LRRC37A2: variants seen among roughly 807,000 people sequenced by gnomAD.
The protein encoded by LRRC37A2 is leucine-rich repeat-containing protein 37A2.
A neutral mutation model predicts 68.8 loss-of-function variants in LRRC37A2; 9 were observed. That is an observed-to-expected ratio of 0.13 (90% CI 0.08 to 0.23). The LOEUF (loss-of-function observed/expected upper bound fraction) is 0.23. Ranked by LOEUF, LRRC37A2 falls within the 10% of genes least tolerant of loss-of-function variation. The pLI, the probability that LRRC37A2 is intolerant of heterozygous loss-of-function variation, is 1.00. For missense variants in LRRC37A2, 168 were observed against 950.4 expected, an observed-to-expected ratio of 0.18 and a Z score of 10.82; for synonymous variants, 63 against 367.6, an observed-to-expected ratio of 0.17 and a Z score of 9.48.
At chr17:46,821,088 C>A in the LRRC37A2 span, 1 of 152,154 alleles carries the variant, frequency 6.6e-6, no homozygotes, top group South Asian at 2.1e-4. Flanking sequence ...GAACATCATT[C>A]CCTGAGGGGT....
At chr17:46,776,772 C>T in the LRRC37A2 span, among the ~76,000 whole-genome samples, 2 of 152,224 alleles carry the variant, frequency 1.3e-5, no homozygotes, top group South Asian at 4.2e-4. Flanking sequence ...GGGCTGTCCC[C>T]GCTCCTTCCT....
the LRRC37A2 span, among the ~76,000 whole-genome samples, chr17:46,990,415 A>C: frequency 7.5e-4 from 114 of 152,346 alleles, 1 homozygote; most frequent in Non-Finnish European, 1.3e-3. Context: ...TAAGTCAAGA[A>C]TAAAGTGATC....
the LRRC37A2 span, among the ~76,000 whole-genome samples, chr17:46,802,520 G>A: frequency 4.6e-5 from 7 of 152,050 alleles, no homozygotes; most frequent in African/African-American, 1.7e-4. Flanking sequence ...CACCTGCCTC[G>A]GCCTCCCAAA....
the LRRC37A2 span, among the ~76,000 whole-genome samples, chr17:46,791,976 G>T: frequency 1.3e-5 from 2 of 152,170 alleles, no homozygotes; most frequent in African/African-American, 4.8e-5. Context: ...GGAGTTTGAG[G>T]CTGTAGTAAG....
chr17:46,940,326 C>G, the LRRC37A2 span: 1 of 1,454,490 alleles, frequency 6.9e-7, no homozygotes. Context: ...AAGGAGCAAT[C>G]TGTGACTCCT....
At chr17:46,953,378 C>T in the LRRC37A2 span, among the ~76,000 whole-genome samples, 2 of 152,152 alleles carry the variant, frequency 1.3e-5, no homozygotes, top group Admixed American at 6.5e-5. Context: ...AATATGAGCT[C>T]ATCATTTTTT....
the LRRC37A2 span, among the ~76,000 whole-genome samples, chr17:46,899,021 TCCACTGGTGAATGG>T: frequency 6.6e-6 from 1 of 152,300 alleles, no homozygotes; most frequent in East Asian, 1.9e-4. Flanking sequence ...CAAATGTCCA[TCCACTGGTGAATGG>T]ATAAACAAAT....
At chr17:46,891,946 G>A in the LRRC37A2 span, among the ~76,000 whole-genome samples, 2 of 122,844 alleles carry the variant, frequency 1.6e-5, no homozygotes, top group African/African-American at 6.7e-5. Flanking sequence ...TTGAGATGGA[G>A]TCTTGCCCTG....
chr17:46,777,066 C>T, the LRRC37A2 span, among the ~76,000 whole-genome samples: 17 of 152,284 alleles, frequency 1.1e-4, no homozygotes, highest in Non-Finnish European at 1.5e-4. Flanking sequence ...AGAGGCCGAC[C>T]ATGCCAGGTG....
the LRRC37A2 span, chr17:47,027,456 A>G: frequency 1.5e-6 from 1 of 647,446 alleles, no homozygotes; most frequent in Non-Finnish European, 2.8e-6. Flanking sequence ...GAGTTGAGAT[A>G]AAAAATGTGT....
the LRRC37A2 span, among the ~76,000 whole-genome samples, chr17:46,920,664 T>C: frequency 3.3e-5 from 5 of 152,134 alleles, no homozygotes; most frequent in African/African-American, 1.2e-4. Context: ...CTTCATTAAG[T>C]CTCTCCTAAA....
chr17:46,853,592 G>A, the LRRC37A2 span, among the ~76,000 whole-genome samples: 2 of 151,986 alleles, frequency 1.3e-5, 1 homozygote, highest in Middle Eastern at 6.8e-3. Flanking sequence ...GGCTGGTCTC[G>A]AACTCCTGAT....
the LRRC37A2 span, among the ~76,000 whole-genome samples, chr17:46,799,446 CTTTTTT>C: frequency 8.2e-6 from 1 of 121,562 alleles, no homozygotes; most frequent in Non-Finnish European, 1.7e-5. Flanking sequence ...ATTATTTCTA[CTTTTTT>C]TTTTTTTTTT....
At chr17:46,920,621 T>C in the LRRC37A2 span, among the ~76,000 whole-genome samples, 1 of 152,154 alleles carries the variant, frequency 6.6e-6, no homozygotes, top group Non-Finnish European at 1.5e-5. Flanking sequence ...GACAGAGAAG[T>C]GTCCAAACCC....
chr17:46,717,676 C>T, the LRRC37A2 span, among the ~76,000 whole-genome samples: 2 of 152,142 alleles, frequency 1.3e-5, no homozygotes, highest in African/African-American at 4.8e-5. Flanking sequence ...CACACCACTG[C>T]ACTCCAGCCT....
chr17:46,909,842 A>G, the LRRC37A2 span: 1 of 152,208 alleles, frequency 6.6e-6, no homozygotes, highest in Admixed American at 6.5e-5. Context: ...TCCAGATGGA[A>G]TGCACAAGGT....
the LRRC37A2 span, among the ~76,000 whole-genome samples, chr17:46,784,322 G>A: frequency 6.6e-6 from 1 of 152,154 alleles, no homozygotes; most frequent in Non-Finnish European, 1.5e-5. Context: ...GGAAGTGCGT[G>A]GGGCCAGAGG....
At chr17:46,900,423 T>C in the LRRC37A2 span, among the ~76,000 whole-genome samples, 1 of 151,878 alleles carries the variant, frequency 6.6e-6, no homozygotes, top group Non-Finnish European at 1.5e-5. Context: ...GCTAATTTTG[T>C]ATTTTTAGTA....
chr17:46,908,537 G>A, the LRRC37A2 span, among the ~76,000 whole-genome samples: 8 of 152,144 alleles, frequency 5.3e-5, no homozygotes, highest in African/African-American at 1.9e-4. Context: ...TGGATGTTGA[G>A]TGGGGATTTT....
Sources: gnomAD v4.1 joint callset for allele counts (sites outside exome capture counted in the v4.1 genomes callset) on GRCh38, gnomAD v4.1.1 for gene constraint, MANE v1.5 for transcripts, NCBI Gene and HGNC (gene_info 2026-07-23, HGNC 2026-07-21) for gene names.